The following SLC35F3 variants were observed in gnomAD, a reference collection of about 807,000 sequenced individuals.
The protein encoded by SLC35F3 is solute carrier family 35 member F3, also known as putative thiamine transporter SLC35F3.
A neutral mutation model predicts 49.9 loss-of-function variants in SLC35F3; 25 were observed. The observed-to-expected ratio is 0.50, with a 90% CI of 0.37 to 0.70. SLC35F3 has a LOEUF of 0.70. Ranked by LOEUF, SLC35F3 falls within the 30% of genes least tolerant of loss-of-function variation. The pLI, the probability that SLC35F3 is intolerant of heterozygous loss-of-function variation, is 0.00. For synonymous variants in SLC35F3, 275 were observed against 265.4 expected (o/e 1.04, Z -0.35); for missense variants, 525 against 639.8 (o/e 0.82, Z 1.94).
intron 2 of SLC35F3, among the ~76,000 whole-genome samples, chr1:234,188,092 C>G (rs1432818830): frequency 3.9e-5 from 6 of 152,192 alleles, no homozygotes; most frequent in African/African-American, 1.4e-4. Context: ...AAAAAATTAG[C>G]TGGGCATGGT....
At chr1:234,296,152 T>A (rs1213268597) in intron 3 of SLC35F3, among the ~76,000 whole-genome samples, 1 of 152,194 alleles carries the variant, frequency 6.6e-6, no homozygotes, top group Admixed American at 6.5e-5. Flanking sequence ...TGCGGAGGGA[T>A]GTGCTTTCTT....
chr1:234,253,540 C>T (rs944673784), intron 3 of SLC35F3, among the ~76,000 whole-genome samples: 4 of 150,488 alleles, frequency 2.7e-5, no homozygotes, highest in African/African-American at 9.8e-5. Flanking sequence ...AAACTAAAAA[C>T]AGTGGTTTCC....
chr1:234,167,248 T>C (rs1439012637), intron 2 of SLC35F3, among the ~76,000 whole-genome samples: 1 of 152,230 alleles, frequency 6.6e-6, no homozygotes, highest in African/African-American at 2.4e-5. Flanking sequence ...CACCTTTCTA[T>C]GTCACCATGT....
At chr1:234,146,418 A>C (rs1665995920) in intron 2 of SLC35F3, among the ~76,000 whole-genome samples, 1 of 147,852 alleles carries the variant, frequency 6.8e-6, no homozygotes, top group South Asian at 2.1e-4. Flanking sequence ...TTATGGATAC[A>C]CTTTCTTTTC....
chr1:234,309,016 A>T (rs1572146344), intron 3 of SLC35F3, 85 bp from the exon 4 acceptor site: 7 of 278,304 alleles, frequency 2.5e-5, no homozygotes, highest in Non-Finnish European at 3.1e-5. Context: ...ATATTTGCTT[A>T]AAAAAAAAAA....
At chr1:234,022,436 G>T (rs1222819649) in intron 2 of SLC35F3, among the ~76,000 whole-genome samples, 3 of 149,242 alleles carry the variant, frequency 2.0e-5, no homozygotes, top group Non-Finnish European at 3.0e-5. Flanking sequence ...CCATATGGAG[G>T]CAGAATTCCC....
At chr1:233,961,858 T>A (rs1303674026) in intron 2 of SLC35F3, among the ~76,000 whole-genome samples, 2 of 152,150 alleles carry the variant, frequency 1.3e-5, no homozygotes, top group African/African-American at 2.4e-5. Context: ...TAAGGTGCAT[T>A]TTAACTGGAT....
intron 2 of SLC35F3, among the ~76,000 whole-genome samples, chr1:234,092,308 A>G (rs1209270507): frequency 1.3e-5 from 2 of 152,192 alleles, no homozygotes; most frequent in Admixed American, 1.3e-4. Flanking sequence ...AGGGAGTTGA[A>G]TGTTACTCTA....
chr1:233,944,336 CTAAA>C (rs1662479427), intron 2 of SLC35F3, among the ~76,000 whole-genome samples: 1 of 152,086 alleles, frequency 6.6e-6, no homozygotes, highest in African/African-American at 2.4e-5. Flanking sequence ...TCATTTATTT[CTAAA>C]TTTTATGGTT....
chr1:234,258,716 G>A (rs1280320010), intron 3 of SLC35F3, among the ~76,000 whole-genome samples: 1 of 152,260 alleles, frequency 6.6e-6, no homozygotes, highest in Non-Finnish European at 1.5e-5. Flanking sequence ...AAGCAAGATG[G>A]AGTCAGCTAT....
chr1:233,945,870 C>T (rs1196244938), intron 2 of SLC35F3, among the ~76,000 whole-genome samples: 2 of 152,226 alleles, frequency 1.3e-5, no homozygotes, highest in Non-Finnish European at 2.9e-5. Flanking sequence ...AATTAAACCT[C>T]AGCAATCTCA....
chr1:234,290,781 G>C (rs1668494671), intron 3 of SLC35F3, among the ~76,000 whole-genome samples: 1 of 152,222 alleles, frequency 6.6e-6, no homozygotes, highest in South Asian at 2.1e-4. Context: ...TAGAGGAGTT[G>C]AGCACCTGGC....
intron 2 of SLC35F3, among the ~76,000 whole-genome samples, chr1:233,954,988 C>G (rs1180936305): frequency 6.6e-6 from 1 of 152,114 alleles, no homozygotes; most frequent in Non-Finnish European, 1.5e-5. Context: ...GGATTACAGG[C>G]ACACACCACC....
Position 234,143,810 on chromosome 1 carries a change from T to A in SLC35F3, c.284-87607T>A, listed in dbSNP as rs182475891. Among the ~76,000 whole-genome samples the A allele has an allele frequency of 2.0e-5, 3 of 152,358 alleles. No homozygotes were observed. In the East Asian group the frequency reaches 5.8e-4, roughly 29 times the overall value. On this transcript the variant is annotated intron_variant, in intron 2 of 7. Coordinates refer to ENST00000366618, the MANE Select transcript of SLC35F3 (RefSeq NM_173508.4). Reference sequence around the variant, plus strand: ...TCCGTATCTTGGCTATTGTAAATGATGTTGCAATGAACATGGGGGTTGCAG... The same window carrying A: ...TCCGTATCTTGGCTATTGTAAATGAAGTTGCAATGAACATGGGGGTTGCAG...
chr1:234,103,701 C>T (rs188488029), intron 2 of SLC35F3, among the ~76,000 whole-genome samples: 2 of 152,332 alleles, frequency 1.3e-5, no homozygotes, highest in East Asian at 1.9e-4. Context: ...TAGCTGTATC[C>T]TCTTCTTTGG....
At chr1:234,006,912 T>C (rs1240889035) in intron 2 of SLC35F3, among the ~76,000 whole-genome samples, 6 of 152,172 alleles carry the variant, frequency 3.9e-5, no homozygotes, top group Non-Finnish European at 5.9e-5. Context: ...TTCCTGTCCA[T>C]GGAGAACCTT....
intron 2 of SLC35F3, among the ~76,000 whole-genome samples, chr1:234,215,988 G>A (rs984686902): frequency 1.1e-4 from 17 of 152,164 alleles, no homozygotes; most frequent in African/African-American, 4.1e-4. Context: ...CTATCTTTAG[G>A]AGGTTGGGTT....
At chr1:234,167,885 C>T (rs1227741332) in intron 2 of SLC35F3, among the ~76,000 whole-genome samples, 1 of 152,220 alleles carries the variant, frequency 6.6e-6, no homozygotes, top group Non-Finnish European at 1.5e-5. Context: ...GTTCTATCCC[C>T]TAGACCTGAG....
chr1:234,144,246 C>T (rs1191932229), intron 2 of SLC35F3, among the ~76,000 whole-genome samples: 5 of 152,174 alleles, frequency 3.3e-5, no homozygotes, highest in Non-Finnish European at 5.9e-5. Context: ...TCCATAGTTG[C>T]CTGTTGAGTG....
Sources: allele counts gnomAD v4.1 joint callset (sites outside exome capture counted in the v4.1 genomes callset), GRCh38; gene constraint gnomAD v4.1.1; transcripts MANE v1.5; gene names NCBI Gene and HGNC (gene_info 2026-07-23, HGNC 2026-07-21).